The following ACAN variants were observed in gnomAD, a reference collection of about 807,000 sequenced individuals.
ACAN encodes aggrecan core protein.
Under a neutral mutation model 169.1 loss-of-function variants are expected in ACAN, and 47 were observed. That is an observed-to-expected ratio of 0.28 (90% CI 0.22 to 0.35). The LOEUF (loss-of-function observed/expected upper bound fraction) is 0.35. ACAN is among the 10% of genes least tolerant of loss of function. The pLI is 1.00. For synonymous variants in ACAN, 1,115 were observed against 1,112.2 expected, an observed-to-expected ratio of 1.00 and a Z score of -0.05; for missense variants, 2,716 against 2,759.9, an observed-to-expected ratio of 0.98 and a Z score of 0.36.
chr15:88,807,347 G>A lies in ACAN; in HGVS notation c.-8+3538G>A, dbSNP rs534172543. Among the ~76,000 whole-genome samples the A allele has an allele frequency of 2.6e-5, 4 of 152,364 alleles. No individual in the cohort carries two copies. The highest frequency in any genetic ancestry group is 2.6e-4 in the Admixed American group (4 of 15,310). On this transcript the variant is annotated intron_variant, in intron 1 of 18. Coordinates refer to ENST00000560601, the MANE Select transcript of ACAN (RefSeq NM_001369268.1). This position sits in a 1 kb window ranked among gnomAD's most constrained non-coding sequence, Gnocchi z 4.0. Reference sequence around the variant, plus strand: ...GGAACAGGAGCCTTCCTCTCCTGCTGTCAACGGCCTGGCCTCGTGGCCATG... The same window carrying A: ...GGAACAGGAGCCTTCCTCTCCTGCTATCAACGGCCTGGCCTCGTGGCCATG...
At chr15:88,864,660 A>G (rs967840231) in intron 13 of ACAN, among the ~76,000 whole-genome samples, 17 of 152,214 alleles carry the variant, frequency 1.1e-4, no homozygotes, top group African/African-American at 4.1e-4. Context: ...AGACAACCAG[A>G]AAGTTAGTGT....
chr15:88,843,311 G>T lies in ACAN; in HGVS notation c.758-44G>T. Reference sequence around the variant, plus strand: ...TCTCTCTGGGGATGCAGAGCAGGGGGAGGGGGGAGAAGACCCTTACCCAGC... The same window carrying T: ...TCTCTCTGGGGATGCAGAGCAGGGGTAGGGGGGAGAAGACCCTTACCCAGC... On this transcript the variant is annotated intron_variant, in intron 5 of 18. Coordinates refer to ENST00000560601, the MANE Select transcript of ACAN (RefSeq NM_001369268.1). The surrounding 1 kb of genome is among the most constrained non-coding windows in gnomAD (Gnocchi z 4.0). 1 of 1,346,618 alleles carries T rather than the reference G, an allele frequency of 7.4e-7. No homozygotes were observed. The highest frequency in any genetic ancestry group is 1.5e-5 in the South Asian group (1 of 67,062). The allele number at this position is 1,346,618 out of a possible 1,614,324, so 83.4% of individuals were successfully genotyped here.
intron 13 of ACAN, among the ~76,000 whole-genome samples, chr15:88,863,752 C>T (rs1567190866): frequency 6.6e-6 from 1 of 152,210 alleles, no homozygotes; most frequent in Non-Finnish European, 1.5e-5. Flanking sequence ...AAACCTCTAT[C>T]CTTGAGAAAG....
At chr15:88,867,384 G>C (rs1009773083) in intron 13 of ACAN, among the ~76,000 whole-genome samples, 1 of 152,166 alleles carries the variant, frequency 6.6e-6, no homozygotes, top group African/African-American at 2.4e-5. Context: ...GCTGTTGTGC[G>C]ACCACTTGCT....
chr15:88,844,315 G>C (rs1286303050), intron 6 of ACAN, among the ~76,000 whole-genome samples: 1 of 99,502 alleles, frequency 1.0e-5, no homozygotes, highest in African/African-American at 4.1e-5. Context: ...TTTTTTTTTT[G>C]GTAGAGATGG....
chr15:88,870,721 C>T lies in ACAN; in HGVS notation c.7061-661C>T, dbSNP rs1321316503. On this transcript the variant is annotated intron_variant, in intron 14 of 18. Transcript: ENST00000560601. The surrounding 1 kb of genome is among the most constrained non-coding windows in gnomAD (Gnocchi z 6.3). Reference sequence around the variant, plus strand: ...CTCCTCCCCTCTTCCCATTCACCCCCAAAATAAAAAGCCAGGGCCCCTGGA... The same window carrying T: ...CTCCTCCCCTCTTCCCATTCACCCCTAAAATAAAAAGCCAGGGCCCCTGGA... Among the ~76,000 whole-genome samples the T allele has an allele frequency of 6.6e-6, 1 of 152,122 alleles. No homozygotes were observed. The highest frequency in any genetic ancestry group is 1.5e-5 in the Non-Finnish European group (1 of 68,006).
chr15:88,822,416 C>T (rs1021004374), intron 1 of ACAN, among the ~76,000 whole-genome samples: 1 of 152,104 alleles, frequency 6.6e-6, no homozygotes, highest in South Asian at 2.1e-4. Context: ...GAACTGTGTC[C>T]ATAGCTTCCA....
At chr15:88,841,252 T>C (rs28718260) in intron 4 of ACAN, among the ~76,000 whole-genome samples, 3 of 152,172 alleles carry the variant, frequency 2.0e-5, no homozygotes, top group African/African-American at 7.2e-5. Context: ...AAGTGTAAAG[T>C]AGATTGATGA....
At position 88,873,950 on chromosome 15, in the gene ACAN, T is replaced by A. The variant is rs1897444850; in HGVS notation, c.7556T>A (p.Val2519Asp). The change falls in exon 18 of 19, where the codon GTC becomes GAC. Residue 2519 changes from valine (V) to aspartate (D), a missense_variant. This residue lies in a region of ACAN where 1,389 missense variants were observed against 1,363.7 expected (regional missense o/e 1.02). Transcript: ENST00000560601. This position sits in a 1 kb window ranked among gnomAD's most constrained non-coding sequence, Gnocchi z 7.5. ...CGGTACCAGTGCACAGAGGGGTTTG[T>A]CCAGCGCCACATGCCCACCATCCGG... ...LVRYQCTEGF[V>D]QRHMPTIRCQ... The A allele has an allele frequency of 6.2e-7, 1 of 1,613,390 alleles. No individual in the cohort carries two copies.
rs1334793694 is a variant in ACAN at position 88,849,432 on chromosome 15, C to T, written c.1733-6C>T. Reference sequence around the variant, plus strand: ...GTCATATTCTACCCCTTGCCTCTGCCCCCAGGGGAGGTGTTCTTCGCCACA... The same window carrying T: ...GTCATATTCTACCCCTTGCCTCTGCTCCCAGGGGAGGTGTTCTTCGCCACA... On this transcript the variant is annotated splice_polypyrimidine_tract_variant and splice_region_variant and intron_variant, in intron 9 of 18. Transcript: ENST00000560601. The surrounding 1 kb of genome is among the most constrained non-coding windows in gnomAD (Gnocchi z 5.1). 3.2e-6 allele frequency: 5 copies of T among 1,576,474 alleles called. No individual in the cohort carries two copies. The highest frequency in any genetic ancestry group is 4.3e-6 in the Non-Finnish European group (5 of 1,157,930).
At position 88,868,595 on chromosome 15, in the gene ACAN, T is replaced by C. The variant is rs1897318846; in HGVS notation, c.7060+266T>C. Among the ~76,000 whole-genome samples the C allele has an allele frequency of 6.6e-6, 1 of 151,992 alleles. No individual in the cohort carries two copies. The highest frequency in any genetic ancestry group is 1.5e-5 in the Non-Finnish European group (1 of 68,002). ...AGATCTACTGATGCCACCACCGAGG[T>C]TGGTGTATGGTTCAGACTAAGAGGA... On this transcript the variant is annotated intron_variant, in intron 14 of 18. Transcript: ENST00000560601. This position sits in a 1 kb window ranked among gnomAD's most constrained non-coding sequence, Gnocchi z 5.2.
rs973361743 is a variant in ACAN, at chr15:88,866,971, G to A, written c.6947-1245G>A. On this transcript the variant is annotated intron_variant, in intron 13 of 18. Transcript: ENST00000560601. This position sits in a 1 kb window ranked among gnomAD's most constrained non-coding sequence, Gnocchi z 5.6. ...TGAGGCTCAGTATCTTCAAACCAAT[G>A]TCATGGTGCCCCATAGCCAGTGGAA... 4.6e-5 allele frequency among the ~76,000 whole-genome samples: 7 copies of A among 152,136 alleles called. No homozygotes were observed. The highest frequency in any genetic ancestry group is 1.7e-4 in the African/African-American group (7 of 41,436).
At position 88,851,755 on chromosome 15, in the gene ACAN, A is replaced by T; in HGVS notation, c.2027-39A>T. On this transcript the variant is annotated intron_variant, in intron 10 of 18. Transcript: ENST00000560601. The surrounding 1 kb of genome is among the most constrained non-coding windows in gnomAD (Gnocchi z 4.3). ...GGCCAGCCAAGGACGGGTCACTGGTAAGAGAGGGACTCACTCTGACCACCC... is the reference window on the plus strand; with the variant it reads ...GGCCAGCCAAGGACGGGTCACTGGTTAGAGAGGGACTCACTCTGACCACCC... The T allele has an allele frequency of 6.6e-7, 1 of 1,524,344 alleles. No individual in the cohort carries two copies. The allele number at this position is 1,524,344 out of a possible 1,614,324, so 94.4% of individuals were successfully genotyped here. A position where few individuals can be genotyped will look rare whatever the true frequency, so the allele number is the denominator to read the frequency against.
At chr15:88,815,302 T>C (rs933974817) in intron 1 of ACAN, among the ~76,000 whole-genome samples, 4 of 152,086 alleles carry the variant, frequency 2.6e-5, no homozygotes, top group Admixed American at 2.6e-4. Flanking sequence ...CTCATGCCTG[T>C]AATCCCAGCA....
intron 4 of ACAN, 100 bp downstream of exon 4, chr15:88,840,286 C>A (rs566863720): frequency 8.0e-6 from 11 of 1,379,652 alleles, no homozygotes; most frequent in East Asian, 2.5e-5. Flanking sequence ...GAGCTGGTGC[C>A]AGCATGACAC....
intron 6 of ACAN, among the ~76,000 whole-genome samples, chr15:88,844,857 A>G (rs1896755407): frequency 1.3e-5 from 2 of 152,224 alleles, no homozygotes; most frequent in South Asian, 4.1e-4. Flanking sequence ...CAAAACTTTT[A>G]TGTACTAAGT....
chr15:88,836,065 T>C (rs1596128611), intron 1 of ACAN, 135 bp from the exon 2 acceptor site: 1 of 635,714 alleles, frequency 1.6e-6, no homozygotes, highest in South Asian at 2.1e-5. Context: ...ACAAACCACG[T>C]GCAGCCTCCT....
At chr15:88,853,923 CA>C (rs2141600173) in intron 11 of ACAN, among the ~76,000 whole-genome samples, 1 of 150,746 alleles carries the variant, frequency 6.6e-6, no homozygotes, top group Non-Finnish European at 1.5e-5. Flanking sequence ...TCAGCAAGAA[CA>C]AACTAAACCT....
chr15:88,871,956 C>A lies in ACAN; in HGVS notation c.7220-47C>A, dbSNP rs777559627. The A allele has an allele frequency of 6.5e-7, 1 of 1,533,612 alleles. No individual in the cohort carries two copies. Among genetic ancestry groups the A allele is most frequent in the Non-Finnish European group, 9.0e-7 (1 of 1,106,034 alleles). The stretch of plus-strand genomic sequence containing the variant: ...CCGTGAGCTCAAGTTTCTCAGACAC[C>A]CTCAGGGTGTCCAGTGTGATGCCTG... On this transcript the variant is annotated intron_variant, in intron 15 of 18. Transcript: ENST00000560601. The surrounding 1 kb of genome is among the most constrained non-coding windows in gnomAD (Gnocchi z 7.8).
Sources: allele counts gnomAD v4.1 joint callset (sites outside exome capture counted in the v4.1 genomes callset), GRCh38; gene constraint gnomAD v4.1.1; regional missense constraint gnomAD v4.1.1; non-coding constraint Gnocchi (gnomAD v3.1); transcripts MANE v1.5; gene names NCBI Gene and HGNC (gene_info 2026-07-23, HGNC 2026-07-21).